The following FARSB variants were observed in gnomAD, a reference collection of about 807,000 sequenced individuals.
FARSB encodes phenylalanyl-tRNA synthetase subunit beta.
A neutral mutation model predicts 69.6 loss-of-function variants in FARSB; 40 were observed. That is an observed-to-expected ratio of 0.57 (90% CI 0.45 to 0.75). FARSB has a LOEUF of 0.75. Among genes scored for constraint, FARSB ranks in the 30% least tolerant of loss-of-function variants. The pLI is 0.00. For missense variants in FARSB, 632 were observed against 722.9 expected, an observed-to-expected ratio of 0.87 and a Z score of 1.44; for synonymous variants, 235 against 247.2, an observed-to-expected ratio of 0.95 and a Z score of 0.46.
intron 2 of FARSB, among the ~76,000 whole-genome samples, chr2:222,648,468 T>C (rs1691929058): frequency 6.6e-6 from 1 of 152,194 alleles, no homozygotes; most frequent in Non-Finnish European, 1.5e-5. Context: ...CTTACTTTCA[T>C]ACTGGGGTTA....
chr2:222,624,509 T>C (rs750994029), intron 11 of FARSB, 30 bp from the exon 12 acceptor site: 11 of 1,422,124 alleles, frequency 7.7e-6, no homozygotes, highest in Non-Finnish European at 9.9e-6. Flanking sequence ...ACCATAAACT[T>C]CATTGGATTA....
At position 222,634,450 on chromosome 2, in the gene FARSB, A is replaced by G; in HGVS notation, c.547T>C (p.Phe183Leu). The G allele has an allele frequency of 6.2e-7, 1 of 1,612,284 alleles. No individual in the cohort carries two copies. Among genetic ancestry groups the G allele is most frequent in the Non-Finnish European group, 8.5e-7 (1 of 1,178,580 alleles). Residue 183 changes from phenylalanine to leucine, a missense_variant, in exon 6 of 17, where the codon TTC becomes CTC. Phe to Leu is a conservative substitution (Grantham distance 22, BLOSUM62 0). Coordinates refer to ENST00000281828, the MANE Select transcript of FARSB (RefSeq NM_005687.5). ...YTAKRPSDIK[F>L]KPLNKTKEYT... ...TCCTTGGTCTTATTTAGAGGCTTGA[A>G]TTTGATATCTGAAGGACGCTTTGCA...
In FARSB at chr2:222,567,437, GA is replaced by G. The variant is rs1195080891; in HGVS notation, c.*4433del. The G allele has an allele frequency of 2.0e-5, 3 of 152,188 alleles. No homozygotes were observed. The highest frequency in any genetic ancestry group is 1.3e-4 in the Admixed American group (2 of 15,276). 9.4% of individuals were successfully genotyped at this position (152,188 alleles called of 1,614,324 possible). A position where few individuals can be genotyped will look rare whatever the true frequency, so the allele number is the denominator to read the frequency against. ...TAAATACTCAAGTATTAGGGTTAGT[GA>G]TGTTATATAAAACACCAAGCACAAA... is the stretch of plus-strand genomic sequence containing the variant. On this transcript the variant is annotated 3_prime_UTR_variant, in exon 17 of 17. Coordinates refer to ENST00000281828, the MANE Select transcript of FARSB (RefSeq NM_005687.5).
At chr2:222,607,703 T>C (rs964488735) in intron 15 of FARSB, among the ~76,000 whole-genome samples, 45 of 151,958 alleles carry the variant, frequency 3.0e-4, no homozygotes, top group African/African-American at 1.1e-3. Context: ...AAATACATAT[T>C]CATGAAAGGT....
rs1431208005 is a variant in FARSB at position 222,569,021 on chromosome 2, A to T, written c.*2850T>A. ...TTCTGTAATAAAGGCTTTTGGCAGT[A>T]CTCACAGACTGCCCTGGCTCCAGTT... On this transcript the variant is annotated 3_prime_UTR_variant, in exon 17 of 17. Coordinates refer to ENST00000281828, the MANE Select transcript of FARSB (RefSeq NM_005687.5). 2 of 152,308 alleles carry T rather than the reference A, an allele frequency of 1.3e-5. No homozygotes were observed. Among genetic ancestry groups the T allele is most frequent in the East Asian group, 3.9e-4 (2 of 5,190 alleles). The allele number at this position is 152,308 out of a possible 1,614,324, so 9.4% of individuals were successfully genotyped here.
At chr2:222,628,435 T>C (rs766012672) in intron 10 of FARSB, among the ~76,000 whole-genome samples, 14 of 152,188 alleles carry the variant, frequency 9.2e-5, no homozygotes, top group Non-Finnish European at 1.8e-4. Context: ...ACAATTATTA[T>C]GTGCCAATTA....
intron 16 of FARSB, among the ~76,000 whole-genome samples, chr2:222,577,076 T>A (rs1401633581): frequency 6.6e-6 from 1 of 151,980 alleles, no homozygotes; most frequent in African/African-American, 2.4e-5. Flanking sequence ...ACATTAGAGC[T>A]TATAAAAGGA....
chr2:222,571,184 T>G lies in FARSB; in HGVS notation c.*687A>C, dbSNP rs1689709896. On this transcript the variant is annotated 3_prime_UTR_variant, in exon 17 of 17. Transcript: ENST00000281828. ...TCCTAATGTTCATACTGCATTGATA[T>G]CAATACTTGTCCATTTTAACTCTTA... 6.6e-6 allele frequency: 1 copy of G among 152,220 alleles called. No homozygotes were observed. Among genetic ancestry groups the G allele is most frequent in the Non-Finnish European group, 1.5e-5 (1 of 68,044 alleles). The allele number at this position is 152,220 out of a possible 1,614,324, so 9.4% of individuals were successfully genotyped here. A position where few individuals can be genotyped will look rare whatever the true frequency, so the allele number is the denominator to read the frequency against.
At chr2:222,601,727 TA>T in intron 15 of FARSB, among the ~76,000 whole-genome samples, 1 of 152,290 alleles carries the variant, frequency 6.6e-6, no homozygotes, top group East Asian at 1.9e-4. Flanking sequence ...CCACAAATAA[TA>T]TAAAAGTGCA....
intron 16 of FARSB, among the ~76,000 whole-genome samples, chr2:222,573,110 C>T (rs1689754631): frequency 6.6e-6 from 1 of 152,074 alleles, no homozygotes; most frequent in Non-Finnish European, 1.5e-5. Context: ...TTAGGAAATA[C>T]AGAATCAGGT....
rs918077628 is a variant in FARSB, at chr2:222,567,573, G to C, written c.*4298C>G. Reference sequence around the variant, plus strand: ...TGGTTAGGCTGGCTGGTTTGTAGTAGATTACTCCTGTTTAAAATGTGAGAA... The same window carrying C: ...TGGTTAGGCTGGCTGGTTTGTAGTACATTACTCCTGTTTAAAATGTGAGAA... On this transcript the variant is annotated 3_prime_UTR_variant, in exon 17 of 17. Coordinates refer to ENST00000281828, the MANE Select transcript of FARSB (RefSeq NM_005687.5). 1 of 152,210 alleles carries C rather than the reference G, an allele frequency of 6.6e-6. No individual in the cohort carries two copies. The highest frequency in any genetic ancestry group is 1.5e-5 in the Non-Finnish European group (1 of 68,038). 9.4% of individuals were successfully genotyped at this position (152,210 alleles called of 1,614,324 possible). A position where few individuals can be genotyped will look rare whatever the true frequency, so the allele number is the denominator to read the frequency against.
At position 222,633,237 on chromosome 2, in the gene FARSB, C is replaced by T. The variant is rs1436105788; in HGVS notation, c.677G>A (p.Ser226Asn). 6.3e-7 allele frequency: 1 copy of T among 1,582,112 alleles called. No individual in the cohort carries two copies. Among genetic ancestry groups the T allele is most frequent in the Non-Finnish European group, 8.7e-7 (1 of 1,152,832 alleles). The change falls in exon 7 of 17, where the codon AGC (serine) becomes AAC (asparagine). Residue 226 changes from serine to asparagine, a missense_variant. By Grantham distance (46) the Ser-to-Asn change is conservative (BLOSUM62 1). Coordinates refer to ENST00000281828, the MANE Select transcript of FARSB (RefSeq NM_005687.5). ...NKPLYPVIYD[S>N]NGVVLSMPPI... is the part of the protein sequence containing the mutation. ...AGGCATTGAAAGGACGACACCATTG[C>T]TATCATAGATAACTGGATACAGGGG...
In FARSB at chr2:222,598,680, G is replaced by C. The variant is rs190428883; in HGVS notation, c.1618+1248C>G. 1.3e-3 allele frequency among the ~76,000 whole-genome samples: 196 copies of C among 152,236 alleles called. 1 individual carries two copies. The highest frequency in any genetic ancestry group is 4.5e-3 in the African/African-American group (186 of 41,536). The stretch of plus-strand genomic sequence containing the variant: ...GTAAACTGGTGAATGAGTATATACA[G>C]GCACTAAAAAGGCAGACAACACTGG... On this transcript the variant is annotated intron_variant, in intron 16 of 16. Transcript: ENST00000281828.
chr2:222,587,710 T>A (rs1690155975), intron 16 of FARSB, among the ~76,000 whole-genome samples: 1 of 152,070 alleles, frequency 6.6e-6, no homozygotes, highest in African/African-American at 2.4e-5. Flanking sequence ...CAAACTACCA[T>A]CAGAGAATAC....
intron 1 of FARSB, among the ~76,000 whole-genome samples, chr2:222,651,502 T>C (rs1692036530): frequency 1.3e-5 from 2 of 152,174 alleles, no homozygotes; most frequent in African/African-American, 4.8e-5. Flanking sequence ...GATATGACCA[T>C]AAAATCTTAA....
intron 9 of FARSB, 60 bp from the exon 10 acceptor site, chr2:222,628,948 A>C: frequency 8.5e-7 from 1 of 1,174,720 alleles, no homozygotes; most frequent in Non-Finnish European, 1.3e-6. Flanking sequence ...AATTACAGAC[A>C]TGAGTATGGT....
chr2:222,590,521 A>AG (rs1267235126), intron 16 of FARSB, among the ~76,000 whole-genome samples: 1 of 151,484 alleles, frequency 6.6e-6, no homozygotes, highest in Non-Finnish European at 1.5e-5. Flanking sequence ...ATTAAAAAAA[A>AG]AAAAAAGATA....
chr2:222,581,476 A>G (rs1470971451), intron 16 of FARSB, among the ~76,000 whole-genome samples: 1 of 152,212 alleles, frequency 6.6e-6, no homozygotes, highest in Non-Finnish European at 1.5e-5. Context: ...TTTTAAACAA[A>G]GCAGACTATG....
intron 16 of FARSB, among the ~76,000 whole-genome samples, chr2:222,583,832 T>TCCCCCTTTACTCACTCTCA (rs1399138759): frequency 5.3e-5 from 8 of 152,068 alleles, no homozygotes; most frequent in Non-Finnish European, 8.8e-5. Flanking sequence ...AAGAGGCATT[T>TCCCCCTTTACTCACTCTCA]CCCCCTTTAC....
Sources: allele counts gnomAD v4.1 joint callset (sites outside exome capture counted in the v4.1 genomes callset), GRCh38; gene constraint gnomAD v4.1.1; transcripts MANE v1.5; gene names NCBI Gene and HGNC (gene_info 2026-07-23, HGNC 2026-07-21).